Variants in ATXN3 observed in about 807,000 individuals in gnomAD.
ATXN3 encodes ataxin 3, also known as ataxin-3.
Under a neutral mutation model 58.2 loss-of-function variants are expected in ATXN3, and 28 were observed. The ratio of observed to expected loss-of-function variants is 0.48; its 90% CI spans 0.36 to 0.66. The LOEUF (loss-of-function observed/expected upper bound fraction) is 0.66, where lower values mean the gene tolerates loss of function less well. ATXN3 is among the 30% of genes least tolerant of loss of function. The probability of loss-of-function intolerance (pLI) is 0.00; values close to 1 mark genes in which losing one functional copy is unlikely to be tolerated. For missense variants in ATXN3, 321 were observed against 422.1 expected, an observed-to-expected ratio of 0.76 and a Z score of 2.10; for synonymous variants, 113 against 138.5, an observed-to-expected ratio of 0.82 and a Z score of 1.29.
chr14:92,101,898 T>C (rs780806094), intron 1 of ATXN3, among the ~76,000 whole-genome samples: 1 of 150,998 alleles, frequency 6.6e-6, no homozygotes. Flanking sequence ...CTCACGCCTG[T>C]AATCCCCGCA....
chr14:92,076,856 C>T (rs1474905051), intron 9 of ATXN3, among the ~76,000 whole-genome samples: 1 of 147,306 alleles, frequency 6.8e-6, no homozygotes, highest in Non-Finnish European at 1.5e-5. Context: ...AGAATAATCG[C>T]TTAAACTCAG....
chr14:92,091,084 T>C (rs965708236), intron 5 of ATXN3, among the ~76,000 whole-genome samples: 2 of 151,166 alleles, frequency 1.3e-5, no homozygotes, highest in South Asian at 4.2e-4. Context: ...TGCACCCAGC[T>C]AGCCTCCACT....
At chr14:92,094,482 A>C (rs1411374886) in intron 3 of ATXN3, among the ~76,000 whole-genome samples, 1 of 152,190 alleles carries the variant, frequency 6.6e-6, no homozygotes, top group African/African-American at 2.4e-5. Context: ...CTTTAGAAAA[A>C]TTATATTCAA....
intron 5 of ATXN3, among the ~76,000 whole-genome samples, chr14:92,089,631 C>A (rs1260932943): frequency 6.6e-6 from 1 of 152,164 alleles, no homozygotes; most frequent in Non-Finnish European, 1.5e-5. Flanking sequence ...AGCCACCGCG[C>A]CCGGCCCTGT....
intron 3 of ATXN3, among the ~76,000 whole-genome samples, chr14:92,095,539 G>A (rs10131594): frequency 0.012 from 1,820 of 151,798 alleles, 37 homozygotes; most frequent in African/African-American, 0.039. Flanking sequence ...CACCGCGCCC[G>A]GCCAGAATTA....
intron 3 of ATXN3, 71 bp downstream of exon 3, chr14:92,096,022 T>C: frequency 4.9e-6 from 6 of 1,225,126 alleles, no homozygotes; most frequent in Non-Finnish European, 4.8e-6. Flanking sequence ...CTTGTTACAG[T>C]GACTATTGAA....
chr14:92,073,682 C>G (rs1020989570), intron 9 of ATXN3: 1 of 151,714 alleles, frequency 6.6e-6, no homozygotes, highest in African/African-American at 2.4e-5. Flanking sequence ...ATTAAAAATA[C>G]AAAAAAATTA....
At chr14:92,072,579 T>G (rs1161979749) in intron 9 of ATXN3, among the ~76,000 whole-genome samples, 6 of 151,944 alleles carry the variant, frequency 3.9e-5, no homozygotes, top group Admixed American at 6.6e-5. Flanking sequence ...CTTCCAGTCT[T>G]AAGCATTTTG....
chr14:92,069,475 G>A (rs1365313232), intron 10 of ATXN3, among the ~76,000 whole-genome samples: 1 of 147,958 alleles, frequency 6.8e-6, no homozygotes, highest in Non-Finnish European at 1.5e-5. Flanking sequence ...CCGGGTTCAC[G>A]TGATTCTCCT....
chr14:92,076,382 A>G (rs1595670335), intron 9 of ATXN3, among the ~76,000 whole-genome samples: 1 of 145,126 alleles, frequency 6.9e-6, no homozygotes, highest in Admixed American at 7.1e-5. Context: ...AGGGAGGTGG[A>G]GGTTGCAGTG....
intron 1 of ATXN3, among the ~76,000 whole-genome samples, chr14:92,101,524 GA>G (rs2066781490): frequency 6.6e-6 from 1 of 152,078 alleles, no homozygotes; most frequent in African/African-American, 2.4e-5. Flanking sequence ...AATCAAAGCA[GA>G]AGTTCACTTT....
At chr14:92,106,451 C>T (rs1377785556) in intron 1 of ATXN3, 78 bp downstream of exon 1, 36 of 1,590,618 alleles carry the variant, frequency 2.3e-5, no homozygotes, top group Non-Finnish European at 3.0e-5. Context: ...CCCACCCAGC[C>T]CTCCGAGAGG....
intron 9 of ATXN3, among the ~76,000 whole-genome samples, chr14:92,073,904 T>G (rs1422951706): frequency 6.7e-6 from 1 of 150,196 alleles, no homozygotes; most frequent in African/African-American, 2.5e-5. Context: ...TCCCAGCTAC[T>G]CAGGAGGCTG....
intron 6 of ATXN3, among the ~76,000 whole-genome samples, chr14:92,086,203 T>A (rs1327869842): frequency 2.2e-5 from 3 of 138,076 alleles, no homozygotes; most frequent in African/African-American, 8.6e-5. Context: ...AGGCCAGGAA[T>A]TCGAGACCAA....
In ATXN3 at chr14:92,062,736, C is replaced by A. The variant is rs1023137645; in HGVS notation, c.*1584G>T. 1 of 152,424 alleles carries A rather than the reference C, an allele frequency of 6.6e-6. No individual in the cohort carries two copies. Among genetic ancestry groups the A allele is most frequent in the Non-Finnish European group, 1.5e-5 (1 of 67,994 alleles). 9.4% of individuals were successfully genotyped at this position (152,424 alleles called of 1,614,324 possible). Reference sequence around the variant, plus strand: ...TAATGACTTAAAAAATCTGTTATATCGAAGAAAAAGCTATTTTATAATCAT... The same window carrying A: ...TAATGACTTAAAAAATCTGTTATATAGAAGAAAAAGCTATTTTATAATCAT... On this transcript the variant is annotated 3_prime_UTR_variant, in exon 11 of 11. Coordinates refer to ENST00000644486, the MANE Select transcript of ATXN3 (RefSeq NM_004993.6).
At chr14:92,089,968 C>T (rs1034807577) in intron 5 of ATXN3, among the ~76,000 whole-genome samples, 5 of 152,122 alleles carry the variant, frequency 3.3e-5, no homozygotes, top group African/African-American at 4.8e-5. Context: ...CAGCTCATGC[C>T]TATAATCCGA....
At chr14:92,097,867 G>C (rs1433853839) in intron 1 of ATXN3, among the ~76,000 whole-genome samples, 1 of 152,032 alleles carries the variant, frequency 6.6e-6, no homozygotes, top group Non-Finnish European at 1.5e-5. Flanking sequence ...TTCAGCTTTA[G>C]ATAAGGATAA....
At chr14:92,056,180 T>A (rs887478888), downstream of ATXN3, among the ~76,000 whole-genome samples, 5 of 152,198 alleles carry the variant, frequency 3.3e-5, no homozygotes, top group African/African-American at 1.2e-4. Context: ...AGCAGGACTC[T>A]GGGCACAAGA....
chr14:92,081,667 A>T (rs1449749867), intron 8 of ATXN3, among the ~76,000 whole-genome samples: 1 of 152,136 alleles, frequency 6.6e-6, no homozygotes, highest in African/African-American at 2.4e-5. Flanking sequence ...TTTTATTTAG[A>T]TATCTAAGGA....
Sources: allele counts gnomAD v4.1 joint callset (sites outside exome capture counted in the v4.1 genomes callset), GRCh38; gene constraint gnomAD v4.1.1; transcripts MANE v1.5; gene names NCBI Gene and HGNC (gene_info 2026-07-23, HGNC 2026-07-21).